The following SLC23A2 variants were observed in gnomAD, a reference collection of about 807,000 sequenced individuals.
SLC23A2 encodes the protein Na(+)/L-ascorbic acid transporter 2.
SLC23A2 carries 36 observed loss-of-function variants against 73.3 expected under a neutral mutation model. That is an observed-to-expected ratio of 0.49 (90% CI 0.38 to 0.65). The LOEUF is 0.65. Ranked by LOEUF, SLC23A2 falls within the 30% of genes least tolerant of loss-of-function variation. SLC23A2 has a pLI of 0.00. For missense variants in SLC23A2, 507 were observed against 841.6 expected (o/e 0.60, Z 4.92); for synonymous variants, 343 against 327.3 (o/e 1.05, Z -0.52).
At chr20:4,950,922 T>C (rs2087191719) in intron 2 of SLC23A2, among the ~76,000 whole-genome samples, 1 of 152,192 alleles carries the variant, frequency 6.6e-6, no homozygotes, top group Non-Finnish European at 1.5e-5. Flanking sequence ...GATAAGAGGA[T>C]GACACCACCT....
intron 4 of SLC23A2, among the ~76,000 whole-genome samples, chr20:4,904,248 C>T (rs1211976126): frequency 6.6e-6 from 1 of 152,176 alleles, no homozygotes; most frequent in East Asian, 1.9e-4. Flanking sequence ...TACGACAGAT[C>T]CCCAATTAAA....
intron 3 of SLC23A2, among the ~76,000 whole-genome samples, chr20:4,931,997 C>G (rs1156707144): frequency 6.6e-6 from 1 of 152,188 alleles, no homozygotes; most frequent in South Asian, 2.1e-4. Context: ...TCAGCCTTAT[C>G]TGACTGCTAT....
At position 4,899,999 on chromosome 20, in the gene SLC23A2, T is replaced by C. The variant is rs1439588540; in HGVS notation, c.325-287A>G. On this transcript the variant is annotated intron_variant, in intron 5 of 16. Transcript: ENST00000338244. The surrounding 1 kb of genome is among the most constrained non-coding windows in gnomAD (Gnocchi z 4.9). ...AATTCTCCTGCTTCAACCTCCCAAA[T>C]AGCTGGGATTACAGGGGCGCACCAC... Among the ~76,000 whole-genome samples, 6 of 152,142 alleles carry C rather than the reference T, an allele frequency of 3.9e-5. No homozygotes were observed. The highest frequency in any genetic ancestry group is 6.5e-5 in the Admixed American group (1 of 15,272).
At chr20:4,866,511 C>A (rs551210738) in intron 13 of SLC23A2, among the ~76,000 whole-genome samples, 1 of 152,172 alleles carries the variant, frequency 6.6e-6, no homozygotes, top group African/African-American at 2.4e-5. Context: ...AGCAAAAGGA[C>A]CTCCAGGATG....
At chr20:4,950,380 T>C (rs1001876130) in intron 2 of SLC23A2, among the ~76,000 whole-genome samples, 1 of 152,118 alleles carries the variant, frequency 6.6e-6, no homozygotes, top group Non-Finnish European at 1.5e-5. Context: ...ATTTCAGATC[T>C]CAAGGTAGGA....
intron 3 of SLC23A2, among the ~76,000 whole-genome samples, chr20:4,928,614 T>C (rs1932749397): frequency 6.6e-6 from 1 of 152,212 alleles, no homozygotes; most frequent in Non-Finnish European, 1.5e-5. Flanking sequence ...GCTCTATTCC[T>C]ACTCTTTGTA....
At chr20:4,904,131 T>C (rs1282490171) in intron 4 of SLC23A2, among the ~76,000 whole-genome samples, 1 of 152,070 alleles carries the variant, frequency 6.6e-6, no homozygotes, top group African/African-American at 2.4e-5. Flanking sequence ...TCTTCTCTAG[T>C]TTATACATAT....
chr20:4,860,484 G>A lies in SLC23A2; in HGVS notation c.1625-1100C>T, dbSNP rs1929914484. Among the ~76,000 whole-genome samples, 7 of 152,162 alleles carry A rather than the reference G, an allele frequency of 4.6e-5. No individual in the cohort carries two copies. The South Asian group carries it at 1.4e-3, about 32-fold the overall frequency. On this transcript the variant is annotated intron_variant, in intron 15 of 16. Transcript: ENST00000338244. ...TCCCTGACGTTTCTACACATAAGGC[G>A]GCTATGGTGTGTGTTAAAGAAGATC...
At chr20:4,922,517 C>A (rs1345022531) in intron 3 of SLC23A2, among the ~76,000 whole-genome samples, 2 of 152,116 alleles carry the variant, frequency 1.3e-5, no homozygotes, top group African/African-American at 2.4e-5. Flanking sequence ...ATTCCATAAA[C>A]CTGACCTCAC....
At chr20:4,864,761 G>C (rs1417965167) in intron 13 of SLC23A2, among the ~76,000 whole-genome samples, 1 of 152,182 alleles carries the variant, frequency 6.6e-6, no homozygotes, top group Non-Finnish European at 1.5e-5. Flanking sequence ...AGTTGGGGAG[G>C]GTTGTTGGAG....
At chr20:4,944,681 C>A (rs111806610) in intron 2 of SLC23A2, among the ~76,000 whole-genome samples, 2,736 of 152,278 alleles carry the variant, frequency 0.018, 80 homozygotes, top group African/African-American at 0.058. Flanking sequence ...AAGAATATGA[C>A]TAAGAAGGAG....
chr20:4,991,267 C>A (rs1265838961), intron 1 of SLC23A2, among the ~76,000 whole-genome samples: 4 of 151,978 alleles, frequency 2.6e-5, no homozygotes, highest in Non-Finnish European at 4.4e-5. Context: ...CACACCACCA[C>A]GCCAGGCCAC....
intron 1 of SLC23A2, among the ~76,000 whole-genome samples, chr20:4,988,827 G>A (rs573979932): frequency 2.6e-5 from 4 of 151,900 alleles, no homozygotes; most frequent in Non-Finnish European, 4.4e-5. Flanking sequence ...CAGGAGAAGC[G>A]CTTGAACCTG....
At chr20:4,928,064 G>T (rs1415909164) in intron 3 of SLC23A2, among the ~76,000 whole-genome samples, 3 of 152,052 alleles carry the variant, frequency 2.0e-5, no homozygotes, top group African/African-American at 7.2e-5. Flanking sequence ...TTGGAGACAG[G>T]GTCTTGCTCT....
At chr20:4,870,780 C>T (rs1930418541) in intron 11 of SLC23A2, among the ~76,000 whole-genome samples, 1 of 152,112 alleles carries the variant, frequency 6.6e-6, no homozygotes, top group Non-Finnish European at 1.5e-5. Flanking sequence ...CAGGGGAGGA[C>T]ATCAAGTGAA....
At chr20:4,937,685 A>T (rs191616676) in intron 2 of SLC23A2, among the ~76,000 whole-genome samples, 1 of 152,354 alleles carries the variant, frequency 6.6e-6, no homozygotes, top group East Asian at 1.9e-4. Context: ...TGAATCAGTA[A>T]TCTGAACCTG....
chr20:4,957,098 C>A (rs551238255), intron 2 of SLC23A2, among the ~76,000 whole-genome samples: 3 of 152,092 alleles, frequency 2.0e-5, no homozygotes, highest in African/African-American at 7.2e-5. Flanking sequence ...TGAGTTACTG[C>A]GCCCGGCCTC....
chr20:4,928,811 C>G (rs1932752756), intron 3 of SLC23A2, among the ~76,000 whole-genome samples: 1 of 152,224 alleles, frequency 6.6e-6, no homozygotes, highest in Admixed American at 6.5e-5. Context: ...CTCCCATGCT[C>G]TCACAGGGAC....
At chr20:4,880,155 C>G (rs919756498) in intron 9 of SLC23A2, among the ~76,000 whole-genome samples, 1 of 152,214 alleles carries the variant, frequency 6.6e-6, no homozygotes, top group Non-Finnish European at 1.5e-5. Context: ...TTAGTTCAGT[C>G]AGAATTTGCC....
Sources: gnomAD v4.1 joint callset for allele counts (sites outside exome capture counted in the v4.1 genomes callset) on GRCh38, gnomAD v4.1.1 for gene constraint, Gnocchi (gnomAD v3.1) non-coding constraint, MANE v1.5 for transcripts, NCBI Gene and HGNC (gene_info 2026-07-23, HGNC 2026-07-21) for gene names.